The following CETN3 variants were observed in gnomAD, a reference collection of about 807,000 sequenced individuals.
CETN3 encodes the protein centrin-3.
CETN3 carries 17 observed loss-of-function variants against 20.1 expected under a neutral mutation model. The ratio of observed to expected loss-of-function variants is 0.85; its 90% CI spans 0.58 to 1.27. The LOEUF (loss-of-function observed/expected upper bound fraction) is 1.27, where lower values mean the gene tolerates loss of function less well. Ranked by LOEUF, CETN3 falls within the 50% of genes most tolerant of loss-of-function variation. The pLI, the probability that CETN3 is intolerant of heterozygous loss-of-function variation, is 0.00. For missense variants in CETN3, 169 were observed against 191.2 expected, an observed-to-expected ratio of 0.88 and a Z score of 0.69; for synonymous variants, 52 against 59.7, an observed-to-expected ratio of 0.87 and a Z score of 0.59.
chr5:90,403,875 GA>G (rs60385437), intron 3 of CETN3, among the ~76,000 whole-genome samples: 10,953 of 86,236 alleles, frequency 0.13, 197 homozygotes, highest in African/African-American at 0.19. Flanking sequence ...TGTCTCAAAA[GA>G]AAAAAAAAAA....
At position 90,399,496 on chromosome 5, in the gene CETN3, T is replaced by C; in HGVS notation, c.322A>G (p.Lys108Glu). The change falls in exon 4 of 5, where the codon AAA becomes GAA. Residue 108 changes from lysine to glutamate, a missense_variant. Transcript: ENST00000283122. ...CCTGAATCATCATCATCAAATAGTT[T>C]AAATGCCTTGAGTATTTCTTCATGG... ...DPHEEILKAF[K>E]LFDDDDSGKI... 1 of 1,613,814 alleles carries C rather than the reference T, an allele frequency of 6.2e-7. No homozygotes were observed. Among genetic ancestry groups the C allele is most frequent in the African/African-American group, 1.3e-5 (1 of 75,056 alleles).
At chr5:90,408,599 C>G (rs1204623056) in intron 1 of CETN3, among the ~76,000 whole-genome samples, 1 of 152,036 alleles carries the variant, frequency 6.6e-6, no homozygotes, top group East Asian at 1.9e-4. Flanking sequence ...AGAAAAAAAG[C>G]AAAAATTATT....
At chr5:90,395,937 CA>C (rs1176417490) in intron 4 of CETN3, 1 of 922,098 alleles carries the variant, frequency 1.1e-6, no homozygotes, top group African/African-American at 1.8e-5. Context: ...CTATGTTAGT[CA>C]GTTTTTATAC....
rs1012164127 is a variant in CETN3, at chr5:90,392,815, A to G, written c.*1249T>C. The stretch of plus-strand genomic sequence containing the variant: ...GACTTAATATACACTTGCTTCCTAG[A>G]TAACTGTTTGAAATGTCACTACTGC... On this transcript the variant is annotated 3_prime_UTR_variant, in exon 5 of 5. Transcript: ENST00000283122. 7.2e-5 allele frequency: 11 copies of G among 152,210 alleles called. No homozygotes were observed. The highest frequency in any genetic ancestry group is 2.4e-4 in the African/African-American group (10 of 41,456). The allele number at this position is 152,210 out of a possible 1,614,324, so 9.4% of individuals were successfully genotyped here. A position where few individuals can be genotyped will look rare whatever the true frequency, so the allele number is the denominator to read the frequency against.
chr5:90,404,145 T>C (rs543732582), intron 3 of CETN3, among the ~76,000 whole-genome samples: 38 of 152,182 alleles, frequency 2.5e-4, no homozygotes, highest in Non-Finnish European at 5.1e-4. Flanking sequence ...CTTTTCTAGG[T>C]ACTTCACATA....
At chr5:90,397,772 T>C (rs1314942682) in intron 4 of CETN3, among the ~76,000 whole-genome samples, 2 of 152,150 alleles carry the variant, frequency 1.3e-5, no homozygotes, top group Non-Finnish European at 2.9e-5. Flanking sequence ...ATGTACAGTA[T>C]TAGCTTTGTG....
intron 3 of CETN3, among the ~76,000 whole-genome samples, chr5:90,400,635 T>C (rs1263101740): frequency 1.4e-5 from 2 of 147,364 alleles, no homozygotes; most frequent in Non-Finnish European, 3.0e-5. Flanking sequence ...AATACTGGAA[T>C]GTTTAAGGAA....
Position 90,392,403 on chromosome 5 carries a change from T to C in CETN3, c.*1661A>G, listed in dbSNP as rs1281923884. Reference sequence around the variant, plus strand: ...AATATAATGACTGTGACCATTGAATTTGTATTCAAAATTAAGTTTTACTCT... The same window carrying C: ...AATATAATGACTGTGACCATTGAATCTGTATTCAAAATTAAGTTTTACTCT... On this transcript the variant is annotated 3_prime_UTR_variant, in exon 5 of 5. Transcript: ENST00000283122. 6.6e-6 allele frequency: 1 copy of C among 152,152 alleles called. No individual in the cohort carries two copies. Among genetic ancestry groups the C allele is most frequent in the African/African-American group, 2.4e-5 (1 of 41,430 alleles). The allele number at this position is 152,152 out of a possible 1,614,324, so 9.4% of individuals were successfully genotyped here. A position where few individuals can be genotyped will look rare whatever the true frequency, so the allele number is the denominator to read the frequency against.
intron 2 of CETN3, among the ~76,000 whole-genome samples, chr5:90,406,840 C>CAAAAAAAA (rs762527758): frequency 1.6e-5 from 1 of 61,728 alleles, no homozygotes; most frequent in Non-Finnish European, 3.0e-5. Flanking sequence ...TCTGGGTAAC[C>CAAAAAAAA]AAAAAAAAAA....
chr5:90,405,012 A>G (rs1749398733), intron 3 of CETN3, among the ~76,000 whole-genome samples: 1 of 152,180 alleles, frequency 6.6e-6, no homozygotes, highest in Non-Finnish European at 1.5e-5. Flanking sequence ...GCTATAAATA[A>G]TTCACTAAAA....
chr5:90,403,795 C>T (rs912569442), intron 3 of CETN3, among the ~76,000 whole-genome samples: 4 of 136,164 alleles, frequency 2.9e-5, no homozygotes, highest in Non-Finnish European at 6.2e-5. Flanking sequence ...GGCGTGAACC[C>T]GGGAGGCGGA....
At chr5:90,403,449 TG>T (rs1749352605) in intron 3 of CETN3, among the ~76,000 whole-genome samples, 3 of 152,238 alleles carry the variant, frequency 2.0e-5, no homozygotes, top group Admixed American at 6.5e-5. Context: ...GTGTCAAAGC[TG>T]AAGTTTAGCC....
chr5:90,393,011 G>A lies in CETN3; in HGVS notation c.*1053C>T, dbSNP rs897044939. On this transcript the variant is annotated 3_prime_UTR_variant, in exon 5 of 5. Transcript: ENST00000283122. ...TTGCTGAAATAGACAACTCAATTCC[G>A]TTCCTGGGAGAGCCCATAACACCGA... 2.6e-5 allele frequency: 4 copies of A among 152,188 alleles called. No individual in the cohort carries two copies. The highest frequency in any genetic ancestry group is 7.2e-5 in the African/African-American group (3 of 41,548). 9.4% of individuals were successfully genotyped at this position (152,188 alleles called of 1,614,324 possible).
Position 90,405,745 on chromosome 5 carries a change from G to C in CETN3, c.208C>G (p.Leu70Val). The change falls in exon 3 of 5, where the codon CTT (leucine) becomes GTT (valine). Residue 70 changes from leucine (L) to valine (V), a missense_variant. Coordinates refer to ENST00000283122, the MANE Select transcript of CETN3 (RefSeq NM_004365.4). ...GTGGCTTCTCTGTCATAATCTTTAA[G>C]AATCTTCAGTACATCAGCTTTTTTT... is the stretch of plus-strand genomic sequence containing the variant. ...DVKKADVLKI[L>V]KDYDREATGK... 6.2e-7 allele frequency: 1 copy of C among 1,612,918 alleles called. No individual in the cohort carries two copies. Among genetic ancestry groups the C allele is most frequent in the Middle Eastern group, 1.7e-4 (1 of 6,052 alleles).
At chr5:90,402,737 G>A (rs1373536826) in intron 3 of CETN3, among the ~76,000 whole-genome samples, 1 of 152,182 alleles carries the variant, frequency 6.6e-6, no homozygotes, top group East Asian at 1.9e-4. Flanking sequence ...TGTACAAGCA[G>A]CAGCTGAATT....
chr5:90,401,617 T>C (rs1749293442), intron 3 of CETN3, among the ~76,000 whole-genome samples: 1 of 152,178 alleles, frequency 6.6e-6, no homozygotes, highest in South Asian at 2.1e-4. Flanking sequence ...GAAATACAGC[T>C]TTAACTGTAT....
intron 4 of CETN3, chr5:90,395,715 G>C: frequency 4.3e-6 from 1 of 230,642 alleles, no homozygotes; most frequent in Non-Finnish European, 7.1e-6. Context: ...AAGCAAATGC[G>C]GTAAAATACT....
In CETN3 at chr5:90,407,822, T is replaced by C. The variant is rs1481728498; in HGVS notation, c.30A>G (p.Val10=). 4 of 1,590,790 alleles carry C rather than the reference T, an allele frequency of 2.5e-6. No homozygotes were observed. The highest frequency in any genetic ancestry group is 3.6e-5 in the Admixed American group (2 of 56,242). MSLALRSEL[V]VDKTKRKKRR... Reference sequence around the variant, plus strand: ...TTTTTTTCCTCTTTGTTTTGTCCACTACAAGCTCACTTCTATGAAATGGAA... The same window carrying C: ...TTTTTTTCCTCTTTGTTTTGTCCACCACAAGCTCACTTCTATGAAATGGAA... The change falls in exon 2 of 5, where the codon GTA becomes GTG. Residue 10 remains valine (V), a synonymous_variant. Coordinates refer to ENST00000283122, the MANE Select transcript of CETN3 (RefSeq NM_004365.4).
chr5:90,402,319 A>G (rs2151883118), intron 3 of CETN3, among the ~76,000 whole-genome samples: 1 of 152,256 alleles, frequency 6.6e-6, no homozygotes, highest in Non-Finnish European at 1.5e-5. Flanking sequence ...ATTGTGAATG[A>G]TCTCTGCTGA....
Sources: allele counts gnomAD v4.1 joint callset (sites outside exome capture counted in the v4.1 genomes callset), GRCh38; gene constraint gnomAD v4.1.1; transcripts MANE v1.5; gene names NCBI Gene and HGNC (gene_info 2026-07-23, HGNC 2026-07-21).